KHDRBS3: variants seen among roughly 807,000 people sequenced by gnomAD.
KHDRBS3 encodes KH domain-containing, RNA-binding, signal transduction-associated protein 3.
In KHDRBS3, 23 loss-of-function variants were observed where a neutral mutation model predicts 45.6. That is an observed-to-expected ratio of 0.50 (90% CI 0.36 to 0.72). The LOEUF (loss-of-function observed/expected upper bound fraction) is 0.72, where lower values mean the gene tolerates loss of function less well. Ranked by LOEUF, KHDRBS3 falls within the 30% of genes least tolerant of loss-of-function variation. KHDRBS3 has a pLI of 0.00. For synonymous variants in KHDRBS3, 162 were observed against 156.5 expected, an observed-to-expected ratio of 1.04 and a Z score of -0.26; for missense variants, 352 against 424.8, an observed-to-expected ratio of 0.83 and a Z score of 1.51.
At chr8:135,557,234 A>C (rs1267057604) in intron 4 of KHDRBS3, among the ~76,000 whole-genome samples, 1 of 152,162 alleles carries the variant, frequency 6.6e-6, no homozygotes, top group African/African-American at 2.4e-5. Flanking sequence ...GATTATAGAA[A>C]ATTTTAGCTT....
chr8:135,490,790 G>A (rs1362622904), intron 1 of KHDRBS3, among the ~76,000 whole-genome samples: 1 of 152,136 alleles, frequency 6.6e-6, no homozygotes, highest in Non-Finnish European at 1.5e-5. Context: ...ACAGAAGAGA[G>A]GATAATAGCT....
At chr8:135,614,796 G>A (rs1829851278) in intron 7 of KHDRBS3, among the ~76,000 whole-genome samples, 1 of 151,828 alleles carries the variant, frequency 6.6e-6, no homozygotes, top group Non-Finnish European at 1.5e-5. Flanking sequence ...GGTGACGCTT[G>A]TTAAAGCACA....
chr8:135,549,178 C>T (rs16905402), intron 4 of KHDRBS3: 4,022 of 241,494 alleles, frequency 0.017, 55 homozygotes, highest in African/African-American at 0.039. Context: ...GGTTTTGAAA[C>T]GCTTTTCCTA....
chr8:135,609,255 T>C (rs1331965159), intron 7 of KHDRBS3, among the ~76,000 whole-genome samples: 1 of 152,130 alleles, frequency 6.6e-6, no homozygotes, highest in Non-Finnish European at 1.5e-5. Context: ...ATACATTTCT[T>C]CATATCCTTA....
At chr8:135,617,876 A>C (rs77481408) in intron 7 of KHDRBS3, among the ~76,000 whole-genome samples, 13,269 of 152,256 alleles carry the variant, frequency 0.087, 1,006 homozygotes, top group African/African-American at 0.2. Context: ...AAGTTGTTAA[A>C]GGCTCATTTA....
intron 7 of KHDRBS3, chr8:135,625,215 T>G: frequency 1.4e-6 from 2 of 1,408,112 alleles, no homozygotes; most frequent in Non-Finnish European, 2.0e-6. Context: ...CCTGTGGGCC[T>G]CCTTCATCAG....
chr8:135,563,050 TA>T, intron 5 of KHDRBS3, among the ~76,000 whole-genome samples: 1 of 152,332 alleles, frequency 6.6e-6, no homozygotes, highest in South Asian at 2.1e-4. Flanking sequence ...CTTCCCAGTC[TA>T]ATCCACACTA....
At chr8:135,517,971 A>G (rs1295981125) in intron 1 of KHDRBS3, among the ~76,000 whole-genome samples, 3 of 152,218 alleles carry the variant, frequency 2.0e-5, no homozygotes, top group Non-Finnish European at 4.4e-5. Context: ...CCTTTTTAAA[A>G]TAACAGATGA....
Position 135,633,667 on chromosome 8 carries a change from A to G in KHDRBS3, c.891-11392A>G, listed in dbSNP as rs143399663. On this transcript the variant is annotated intron_variant, in intron 7 of 8. Coordinates refer to ENST00000355849, the MANE Select transcript of KHDRBS3 (RefSeq NM_006558.3). ...CTGTTTTCTCAGCTATCATTTTAAAATTCTGTTTTGTCCCTGGGAGATAAA... is the reference window on the plus strand; with the variant it reads ...CTGTTTTCTCAGCTATCATTTTAAAGTTCTGTTTTGTCCCTGGGAGATAAA... 5.5e-3 allele frequency among the ~76,000 whole-genome samples: 841 copies of G among 152,302 alleles called. 4 individuals carry two copies. The highest frequency in any genetic ancestry group is 0.019 in the African/African-American group (795 of 41,568).
chr8:135,489,815 TA>T (rs1290639920), intron 1 of KHDRBS3, among the ~76,000 whole-genome samples: 13 of 152,356 alleles, frequency 8.5e-5, no homozygotes, highest in African/African-American at 2.6e-4. Context: ...CAGTGTAGCC[TA>T]AGTATACAGT....
chr8:135,488,017 C>T (rs1355430357), intron 1 of KHDRBS3, among the ~76,000 whole-genome samples: 2 of 152,014 alleles, frequency 1.3e-5, no homozygotes, highest in Non-Finnish European at 2.9e-5. Flanking sequence ...CAAATTGGTG[C>T]TGTGTGTGCA....
At chr8:135,566,237 C>T (rs572588790) in intron 5 of KHDRBS3, among the ~76,000 whole-genome samples, 1 of 152,282 alleles carries the variant, frequency 6.6e-6, no homozygotes, top group South Asian at 2.1e-4. Flanking sequence ...TCGGTTTCCT[C>T]TGTAGTTTTA....
intron 2 of KHDRBS3, among the ~76,000 whole-genome samples, chr8:135,522,723 C>A (rs1824981034): frequency 6.6e-6 from 1 of 152,140 alleles, no homozygotes; most frequent in African/African-American, 2.4e-5. Context: ...CTTTGCCAAC[C>A]TCAAGGAAAT....
chr8:135,631,960 G>A (rs1563819665), intron 7 of KHDRBS3, among the ~76,000 whole-genome samples: 7 of 152,118 alleles, frequency 4.6e-5, no homozygotes, highest in Admixed American at 3.9e-4. Context: ...CGGCTACAGC[G>A]ATAGAAATAT....
At chr8:135,467,994 G>A (rs1340956105) in intron 1 of KHDRBS3, among the ~76,000 whole-genome samples, 7 of 152,112 alleles carry the variant, frequency 4.6e-5, no homozygotes, top group Non-Finnish European at 1.0e-4. Flanking sequence ...CTACTGAAAA[G>A]GAATCTTTTC....
In KHDRBS3 at chr8:135,634,574, A is replaced by G. The variant is rs558840580; in HGVS notation, c.891-10485A>G. Among the ~76,000 whole-genome samples the G allele has an allele frequency of 2.3e-4, 35 of 152,336 alleles. No individual in the cohort carries two copies. The South Asian group carries it at 7.2e-3, about 32-fold the overall frequency. ...AACTTAAGTTTGTTTCTCTTTTCTT[A>G]TATTCTTGGCACTAGTAGATAAAAC... On this transcript the variant is annotated intron_variant, in intron 7 of 8. Transcript: ENST00000355849.
chr8:135,524,877 A>G (rs2130675198), intron 2 of KHDRBS3, among the ~76,000 whole-genome samples: 1 of 152,122 alleles, frequency 6.6e-6, no homozygotes, highest in African/African-American at 2.4e-5. Context: ...ATGTAAAAAT[A>G]TTTTTTTCTC....
intron 5 of KHDRBS3, among the ~76,000 whole-genome samples, chr8:135,571,726 G>A (rs938458189): frequency 6.6e-6 from 1 of 152,074 alleles, no homozygotes; most frequent in Non-Finnish European, 1.5e-5. Context: ...CAGGGCGTTC[G>A]AGGCTGGGGA....
intron 1 of KHDRBS3, among the ~76,000 whole-genome samples, chr8:135,469,820 C>T (rs984506316): frequency 1.3e-5 from 2 of 152,188 alleles, no homozygotes; most frequent in Non-Finnish European, 2.9e-5. Context: ...AGCCACCGCG[C>T]CCGGCCAGGA....
Sources: gnomAD v4.1 joint callset for allele counts (sites outside exome capture counted in the v4.1 genomes callset) on GRCh38, gnomAD v4.1.1 for gene constraint, MANE v1.5 for transcripts, NCBI Gene and HGNC (gene_info 2026-07-23, HGNC 2026-07-21) for gene names.